Variants in EPB41L4A observed in about 807,000 individuals in gnomAD.
The protein encoded by EPB41L4A is band 4.1-like protein 4A.
EPB41L4A carries 100 observed loss-of-function variants against 108.6 expected under a neutral mutation model. The ratio of observed to expected loss-of-function variants is 0.92; its 90% CI spans 0.78 to 1.09. The LOEUF (loss-of-function observed/expected upper bound fraction) is 1.09. Among genes scored for constraint, EPB41L4A ranks in the 50% least tolerant of loss-of-function variants. The probability of loss-of-function intolerance (pLI) is 0.00; values close to 1 mark genes in which losing one functional copy is unlikely to be tolerated. For missense variants in EPB41L4A, 1,030 were observed against 842.7 expected (o/e 1.22, Z -2.75); for synonymous variants, 319 against 289.0 (o/e 1.10, Z -1.05).
intron 2 of EPB41L4A, among the ~76,000 whole-genome samples, chr5:112,290,818 C>A (rs1438825866): frequency 1.3e-5 from 2 of 152,176 alleles, no homozygotes; most frequent in African/African-American, 4.8e-5. Context: ...AAGGAGCAAG[C>A]CAGCCCAGGG....
At chr5:112,298,138 G>A (rs1010911518) in intron 2 of EPB41L4A, among the ~76,000 whole-genome samples, 1 of 151,994 alleles carries the variant, frequency 6.6e-6, no homozygotes, top group Non-Finnish European at 1.5e-5. Flanking sequence ...ATGAACTGTA[G>A]GATTGTTTTT....
At chr5:112,270,647 T>A in intron 4 of EPB41L4A, among the ~76,000 whole-genome samples, 1 of 152,290 alleles carries the variant, frequency 6.6e-6, no homozygotes. Flanking sequence ...CATAATGACA[T>A]GTAACCCTCA....
At chr5:112,210,489 A>AT (rs1561478411) in intron 12 of EPB41L4A, among the ~76,000 whole-genome samples, 2 of 152,342 alleles carry the variant, frequency 1.3e-5, no homozygotes, top group African/African-American at 2.4e-5. Flanking sequence ...TCACTCACAT[A>AT]TAAAAAAAAG....
At chr5:112,368,951 T>C (rs1376062512) in intron 1 of EPB41L4A, among the ~76,000 whole-genome samples, 1 of 152,192 alleles carries the variant, frequency 6.6e-6, no homozygotes, top group Non-Finnish European at 1.5e-5. Context: ...CCCGTTCTCA[T>C]ACTCTCCATG....
chr5:112,213,448 A>AAC (rs1747374275), intron 12 of EPB41L4A, among the ~76,000 whole-genome samples: 1 of 151,898 alleles, frequency 6.6e-6, no homozygotes, highest in Non-Finnish European at 1.5e-5. Context: ...TCCTGGGTTC[A>AAC]AGTGATTCCC....
chr5:112,332,535 C>T (rs2150669411), intron 1 of EPB41L4A, among the ~76,000 whole-genome samples: 1 of 152,330 alleles, frequency 6.6e-6, no homozygotes, highest in Middle Eastern at 3.4e-3. Flanking sequence ...TCCTGAATGA[C>T]ACCCCAGACT....
At chr5:112,381,628 G>A (rs886464080) in intron 1 of EPB41L4A, among the ~76,000 whole-genome samples, 1 of 152,240 alleles carries the variant, frequency 6.6e-6, no homozygotes, top group African/African-American at 2.4e-5. Flanking sequence ...CTCACAAAGT[G>A]AGCCAAATCC....
intron 1 of EPB41L4A, among the ~76,000 whole-genome samples, chr5:112,337,943 T>G (rs1393260582): frequency 2.0e-5 from 3 of 152,058 alleles, no homozygotes; most frequent in South Asian, 4.2e-4. Context: ...AAGAAGGCAC[T>G]GGGCACATGG....
chr5:112,222,064 C>G (rs150986529), intron 12 of EPB41L4A, among the ~76,000 whole-genome samples: 252 of 152,286 alleles, frequency 1.7e-3, no homozygotes, highest in African/African-American at 5.8e-3. Flanking sequence ...CTGCCTTTCC[C>G]CCTCTCTCTT....
At chr5:112,239,875 A>C in intron 10 of EPB41L4A, 138 bp from the exon 11 acceptor site, 1 of 482,962 alleles carries the variant, frequency 2.1e-6, no homozygotes, top group Non-Finnish European at 3.6e-6. Flanking sequence ...TGCAATTCAT[A>C]CTCCATGAGG....
chr5:112,299,453 T>C (rs777606216), intron 2 of EPB41L4A, among the ~76,000 whole-genome samples: 2 of 152,180 alleles, frequency 1.3e-5, no homozygotes, highest in Non-Finnish European at 2.9e-5. Flanking sequence ...GCCTATCATA[T>C]GGTCTATTTT....
Position 112,234,743 on chromosome 5 carries a change from A to G in EPB41L4A, c.978T>C (p.Ala326=). 1 of 1,610,664 alleles carries G rather than the reference A, an allele frequency of 6.2e-7. No homozygotes were observed. ...RYKHRYSGRT[A]LQMSRDLSIQ... ...TAGAAAGATCTCGGCTCATTTGCAA[A>G]GCTGTCCTGCCACTTGAGAGTGCAA... is the stretch of plus-strand genomic sequence containing the variant. Residue 326 remains alanine (A), a synonymous_variant, in exon 12 of 23, where the codon GCT becomes GCC. Transcript: ENST00000261486.
At chr5:112,296,922 T>C (rs1754022789) in intron 2 of EPB41L4A, among the ~76,000 whole-genome samples, 2 of 152,168 alleles carry the variant, frequency 1.3e-5, no homozygotes, top group African/African-American at 4.8e-5. Flanking sequence ...TCAAGGTTGC[T>C]GTGAATGCCA....
intron 2 of EPB41L4A, 118 bp downstream of exon 2, chr5:112,307,268 A>T: frequency 3.1e-6 from 2 of 639,476 alleles, no homozygotes; most frequent in South Asian, 2.2e-5. Context: ...CATGTTTGAG[A>T]TTTTCAAAGT....
intron 12 of EPB41L4A, among the ~76,000 whole-genome samples, chr5:112,148,113 T>C (rs1759331945): frequency 1.4e-5 from 2 of 147,456 alleles, no homozygotes; most frequent in Admixed American, 1.4e-4. Flanking sequence ...AGTATTACTA[T>C]ATAATATAAT....
intron 1 of EPB41L4A, among the ~76,000 whole-genome samples, chr5:112,342,322 T>C (rs754366898): frequency 1.6e-4 from 25 of 152,164 alleles, no homozygotes; most frequent in Admixed American, 6.5e-4. Flanking sequence ...TACAGAAACA[T>C]GAAATTTATC....
chr5:112,378,407 A>G (rs977872414), intron 1 of EPB41L4A, among the ~76,000 whole-genome samples: 1 of 152,240 alleles, frequency 6.6e-6, no homozygotes, highest in Non-Finnish European at 1.5e-5. Context: ...GTCAGAATTC[A>G]GGAGTTCCAT....
chr5:112,161,444 G>C (rs151252280), downstream of EPB41L4A: 13 of 499,130 alleles, frequency 2.6e-5, no homozygotes, highest in African/African-American at 2.5e-4. Context: ...CTGTCAGCCA[G>C]TCAGCAACCT....
At position 112,408,071 on chromosome 5, in the gene EPB41L4A, A is replaced by G. The variant is rs943022022; in HGVS notation, c.99+10870T>C. Among the ~76,000 whole-genome samples the G allele has an allele frequency of 3.9e-4, 60 of 152,364 alleles. 1 individual carries two copies. The highest frequency in any genetic ancestry group is 1.3e-3 in the African/African-American group (55 of 41,582). On this transcript the variant is annotated intron_variant, in intron 1 of 22. Coordinates refer to ENST00000261486, the MANE Select transcript of EPB41L4A (RefSeq NM_022140.5). ...TGCATAAAGATAGTCATGTAGATCA[A>G]TGGGATAGAATTCAGAGCCCAGAGT...
Sources: gnomAD v4.1 joint callset for allele counts (sites outside exome capture counted in the v4.1 genomes callset) on GRCh38, gnomAD v4.1.1 for gene constraint, MANE v1.5 for transcripts, NCBI Gene and HGNC (gene_info 2026-07-23, HGNC 2026-07-21) for gene names.